BAZ2B: variants seen among roughly 807,000 people sequenced by gnomAD.
BAZ2B encodes the protein bromodomain adjacent to zinc finger domain protein 2B.
BAZ2B carries 91 observed loss-of-function variants against 246.0 expected under a neutral mutation model. That is an observed-to-expected ratio of 0.37 (90% CI 0.31 to 0.44). BAZ2B has a LOEUF of 0.44. Ranked by LOEUF, BAZ2B falls within the 20% of genes least tolerant of loss-of-function variation. The probability of loss-of-function intolerance (pLI) is 1.00; values close to 1 mark genes in which losing one functional copy is unlikely to be tolerated. For synonymous variants in BAZ2B, 855 were observed against 860.0 expected (o/e 0.99, Z 0.10); for missense variants, 2,332 against 2,533.7 (o/e 0.92, Z 1.71).
chr2:159,495,923 C>T (rs1033138809), intron 2 of BAZ2B, among the ~76,000 whole-genome samples: 4 of 151,334 alleles, frequency 2.6e-5, no homozygotes, highest in Non-Finnish European at 5.9e-5. Context: ...ATGCATCATC[C>T]CGCCCAGCCA....
chr2:159,418,188 A>C (rs2068094909), intron 13 of BAZ2B, among the ~76,000 whole-genome samples: 1 of 152,252 alleles, frequency 6.6e-6, no homozygotes. Context: ...TTATTGCTCA[A>C]CTTTTTTATG....
In BAZ2B at chr2:159,616,428, C is replaced by T. The variant is rs1371557219; in HGVS notation, c.-232G>A. 2 of 152,196 alleles carry T rather than the reference C, an allele frequency of 1.3e-5. No homozygotes were observed. The highest frequency in any genetic ancestry group is 2.4e-5 in the African/African-American group (1 of 41,416). The allele number at this position is 152,196 out of a possible 1,614,324, so 9.4% of individuals were successfully genotyped here. A position where few individuals can be genotyped will look rare whatever the true frequency, so the allele number is the denominator to read the frequency against. Reference sequence around the variant, plus strand: ...GGAAAGCCTTCGACTCCCTCCTTCTCCGTCTTCCGCCTCTCTCTCTCTGAT... The same window carrying T: ...GGAAAGCCTTCGACTCCCTCCTTCTTCGTCTTCCGCCTCTCTCTCTCTGAT... On this transcript the variant is annotated 5_prime_UTR_variant, in exon 1 of 37. Coordinates refer to ENST00000392783, the MANE Select transcript of BAZ2B (RefSeq NM_013450.4).
intron 1 of BAZ2B, among the ~76,000 whole-genome samples, chr2:159,579,398 A>G (rs576678788): frequency 2.0e-5 from 3 of 152,324 alleles, no homozygotes; most frequent in East Asian, 1.9e-4. Flanking sequence ...CCCTGAATAG[A>G]TCAATAACAA....
chr2:159,316,689 C>CAAAAAAAAAAAAAAAAAAAAAAAAAA (rs765748671), downstream of BAZ2B, among the ~76,000 whole-genome samples: 1 of 36,244 alleles, frequency 2.8e-5, no homozygotes, highest in Non-Finnish European at 4.6e-5. Flanking sequence ...GACTCCATCT[C>CAAAAAAAAAAAAAAAAAAAAAAAAAA]AAAAAAAAAA....
intron 8 of BAZ2B, chr2:159,434,751 G>A (rs973525076): frequency 2.0e-4 from 31 of 152,056 alleles, no homozygotes; most frequent in African/African-American, 7.2e-4. Flanking sequence ...GGTGGAAATG[G>A]ACATTCAACA....
At chr2:159,334,849 G>A (rs1205261558) in intron 33 of BAZ2B, among the ~76,000 whole-genome samples, 2 of 152,280 alleles carry the variant, frequency 1.3e-5, no homozygotes, top group South Asian at 2.1e-4. Flanking sequence ...CTGCTTTGGT[G>A]TAGATGAGAA....
chr2:159,436,707 T>G (rs970034863), intron 8 of BAZ2B, among the ~76,000 whole-genome samples: 5 of 151,990 alleles, frequency 3.3e-5, no homozygotes, highest in African/African-American at 1.2e-4. Flanking sequence ...GCGGAGATCT[T>G]GCCACTGCAC....
chr2:159,614,239 T>A (rs1695351063), intron 1 of BAZ2B, among the ~76,000 whole-genome samples: 1 of 152,156 alleles, frequency 6.6e-6, no homozygotes, highest in Non-Finnish European at 1.5e-5. Flanking sequence ...AAAAACTATG[T>A]TAGACAAGCA....
At chr2:159,387,538 T>C (rs952709463) in intron 21 of BAZ2B, among the ~76,000 whole-genome samples, 1 of 152,156 alleles carries the variant, frequency 6.6e-6, no homozygotes, top group South Asian at 2.1e-4. Flanking sequence ...GAAGACTTTT[T>C]CTGTTAATAC....
At chr2:159,614,141 C>G (rs1695324956) in intron 1 of BAZ2B, among the ~76,000 whole-genome samples, 1 of 152,122 alleles carries the variant, frequency 6.6e-6, no homozygotes, top group South Asian at 2.1e-4. Context: ...ATTCCACTTT[C>G]CCATTCAATA....
At chr2:159,692,456 C>T in the BAZ2B span, among the ~76,000 whole-genome samples, 1 of 152,188 alleles carries the variant, frequency 6.6e-6, no homozygotes, top group Non-Finnish European at 1.5e-5. Flanking sequence ...CCGTGCCTGG[C>T]TTCTTAATTT....
chr2:159,572,110 T>C (rs1684169659), intron 1 of BAZ2B, among the ~76,000 whole-genome samples: 1 of 152,164 alleles, frequency 6.6e-6, no homozygotes, highest in Non-Finnish European at 1.5e-5. Flanking sequence ...GGTAAACAGA[T>C]CCATGTGCTG....
intron 2 of BAZ2B, among the ~76,000 whole-genome samples, chr2:159,548,029 G>C (rs1326000330): frequency 6.6e-6 from 1 of 152,180 alleles, no homozygotes; most frequent in Non-Finnish European, 1.5e-5. Context: ...AAATGCAGTA[G>C]AGGTAAAGAG....
intron 3 of BAZ2B, among the ~76,000 whole-genome samples, chr2:159,469,779 T>C (rs1345301424): frequency 6.6e-6 from 1 of 152,070 alleles, no homozygotes; most frequent in African/African-American, 2.4e-5. Flanking sequence ...TGATTTAGTA[T>C]CTTACAACAA....
intron 33 of BAZ2B, among the ~76,000 whole-genome samples, chr2:159,333,271 T>C (rs1407081909): frequency 1.3e-5 from 2 of 152,230 alleles, no homozygotes; most frequent in East Asian, 3.9e-4. Flanking sequence ...ATCAAACATG[T>C]GTCACAAGTG....
chr2:159,326,068 G>T, intron 34 of BAZ2B, 150 bp from the exon 35 acceptor site: 1 of 684,894 alleles, frequency 1.5e-6, no homozygotes, highest in South Asian at 2.8e-5. Context: ...AGAAAGATCT[G>T]TGTATTTTTT....
intron 2 of BAZ2B, among the ~76,000 whole-genome samples, chr2:159,521,556 C>T (rs1463751015): frequency 2.6e-5 from 4 of 152,126 alleles, no homozygotes; most frequent in Admixed American, 2.6e-4. Context: ...AAACCAAGAC[C>T]TCAGTGTCAT....
At chr2:159,644,413 T>C in the BAZ2B span, among the ~76,000 whole-genome samples, 2 of 152,210 alleles carry the variant, frequency 1.3e-5, no homozygotes, top group Non-Finnish European at 2.9e-5. Context: ...GGCAATATCA[T>C]GCCAACAGCT....
chr2:159,389,589 C>A, intron 20 of BAZ2B, 104 bp from the exon 21 acceptor site: 1 of 1,018,230 alleles, frequency 9.8e-7, no homozygotes, highest in Non-Finnish European at 1.3e-6. Context: ...TTTCATTAAT[C>A]TTACTCTCTA....
Sources: allele counts gnomAD v4.1 joint callset (sites outside exome capture counted in the v4.1 genomes callset), GRCh38; gene constraint gnomAD v4.1.1; transcripts MANE v1.5; gene names NCBI Gene and HGNC (gene_info 2026-07-23, HGNC 2026-07-21).